Variants in PTPRR observed in about 807,000 individuals in gnomAD.
PTPRR encodes the protein receptor-type tyrosine-protein phosphatase R.
Under a neutral mutation model 77.2 loss-of-function variants are expected in PTPRR, and 38 were observed. The observed-to-expected ratio is 0.49, with a 90% CI of 0.38 to 0.65. PTPRR has a LOEUF of 0.65. PTPRR is among the 30% of genes least tolerant of loss of function. The pLI, the probability that PTPRR is intolerant of heterozygous loss-of-function variation, is 0.00. For synonymous variants in PTPRR, 299 were observed against 283.1 expected, an observed-to-expected ratio of 1.06 and a Z score of -0.57; for missense variants, 744 against 799.2, an observed-to-expected ratio of 0.93 and a Z score of 0.83.
At position 70,803,912 on chromosome 12, in the gene PTPRR, G is replaced by A. The variant is rs34600964; in HGVS notation, c.358-39134C>T. ...TGGGTGTGTGTAACATGCATGTGCA[G>A]GTGTGTGTGTATTTATGTATTCAGG... is the stretch of plus-strand genomic sequence containing the variant. On this transcript the variant is annotated intron_variant, in intron 2 of 13. Coordinates refer to ENST00000283228, the MANE Select transcript of PTPRR (RefSeq NM_002849.4). Among the ~76,000 whole-genome samples, 249 of 152,220 alleles carry A rather than the reference G, an allele frequency of 1.6e-3. 1 individual carries two copies. Among genetic ancestry groups the A allele is most frequent in the South Asian group, 0.016 (75 of 4,820 alleles).
At chr12:70,850,900 G>A (rs182136044) in intron 2 of PTPRR, among the ~76,000 whole-genome samples, 1 of 152,144 alleles carries the variant, frequency 6.6e-6, no homozygotes, top group Admixed American at 6.6e-5. Flanking sequence ...ACATGAATGA[G>A]TTAATAAATT....
chr12:70,800,443 T>C (rs1891595668), intron 2 of PTPRR, among the ~76,000 whole-genome samples: 4 of 152,074 alleles, frequency 2.6e-5, no homozygotes, highest in Non-Finnish European at 5.9e-5. Context: ...ATATATAAAA[T>C]TTCATATCAA....
intron 6 of PTPRR, among the ~76,000 whole-genome samples, chr12:70,740,371 TC>T (rs1890008193): frequency 2.2e-5 from 1 of 46,186 alleles, no homozygotes. Context: ...GCTATGTTTC[TC>T]TTTTTTTTTT....
At chr12:70,799,432 G>A (rs1369857644) in intron 2 of PTPRR, among the ~76,000 whole-genome samples, 3 of 152,094 alleles carry the variant, frequency 2.0e-5, no homozygotes, top group African/African-American at 7.2e-5. Context: ...TCATCTTTGT[G>A]TATTGAGCTT....
At chr12:70,840,247 G>A (rs1479741288) in intron 2 of PTPRR, among the ~76,000 whole-genome samples, 1 of 151,976 alleles carries the variant, frequency 6.6e-6, no homozygotes, top group African/African-American at 2.4e-5. Flanking sequence ...CGTGTTTCTT[G>A]TCTTGTGGCC....
intron 6 of PTPRR, among the ~76,000 whole-genome samples, chr12:70,712,361 C>G (rs1888856694): frequency 6.6e-6 from 1 of 151,764 alleles, no homozygotes; most frequent in African/African-American, 2.4e-5. Flanking sequence ...TTATTTAACA[C>G]AGTTGCCAAT....
At chr12:70,906,417 T>A (rs1893623475) in intron 1 of PTPRR, among the ~76,000 whole-genome samples, 1 of 152,094 alleles carries the variant, frequency 6.6e-6, no homozygotes, top group South Asian at 2.1e-4. Context: ...CCAGAAATTC[T>A]ACTCTGGGAT....
At chr12:70,913,228 A>G (rs1010059271) in intron 1 of PTPRR, among the ~76,000 whole-genome samples, 1 of 152,140 alleles carries the variant, frequency 6.6e-6, no homozygotes, top group African/African-American at 2.4e-5. Context: ...GGATCCAAAA[A>G]CTTTATGGTT....
intron 7 of PTPRR, among the ~76,000 whole-genome samples, chr12:70,699,578 C>G (rs554775619): frequency 1.3e-5 from 2 of 152,310 alleles, no homozygotes; most frequent in African/African-American, 4.8e-5. Flanking sequence ...TCCTGAGTAG[C>G]TGGGATTACA....
intron 6 of PTPRR, among the ~76,000 whole-genome samples, chr12:70,731,050 C>CAGAGAGGAAGGAAGGAGGAAGGCAAG (rs1889640741): frequency 5.5e-5 from 3 of 54,972 alleles, no homozygotes; most frequent in East Asian, 1.4e-3. Flanking sequence ...AGGAAGGAGA[C>CAGAGAGGAAGGAAGGAGGAAGGCAAG]AGAGAGGAAG....
chr12:70,873,389 T>G (rs1196002127), intron 2 of PTPRR, among the ~76,000 whole-genome samples: 1 of 152,178 alleles, frequency 6.6e-6, no homozygotes, highest in Non-Finnish European at 1.5e-5. Flanking sequence ...TTATTTACAC[T>G]GAGAAACAAT....
chr12:70,672,777 G>A (rs1887283673), intron 10 of PTPRR: 2 of 1,559,358 alleles, frequency 1.3e-6, no homozygotes, highest in Admixed American at 3.4e-5. Flanking sequence ...GTGTATTCAG[G>A]AAACCTTCTG....
In PTPRR at chr12:70,764,679, T is replaced by A; in HGVS notation, c.457A>T (p.Ile153Phe). The change falls in exon 3 of 14, where the codon ATC (isoleucine) becomes TTC (phenylalanine). Residue 153 changes from isoleucine (I) to phenylalanine (F), a missense_variant. Ile to Phe is a conservative substitution (Grantham distance 21). Transcript: ENST00000283228. ...ALGLLPQQVH[I>F]NRLIGKKNSI... ...GGGTATCTTACAATGAGGCGATTGA[T>A]GTGCACTTGCTGGGGTAAGAGTCCT... 1 of 1,612,680 alleles carries A rather than the reference T, an allele frequency of 6.2e-7. No individual in the cohort carries two copies. The highest frequency in any genetic ancestry group is 8.5e-7 in the Non-Finnish European group (1 of 1,178,650).
intron 2 of PTPRR, among the ~76,000 whole-genome samples, chr12:70,766,694 C>A (rs1305161041): frequency 1.3e-5 from 2 of 151,182 alleles, no homozygotes; most frequent in Non-Finnish European, 2.9e-5. Flanking sequence ...AGAAGAGCAA[C>A]TCCAAGACAC....
At chr12:70,856,250 GA>G (rs1892649574) in intron 2 of PTPRR, among the ~76,000 whole-genome samples, 1 of 152,136 alleles carries the variant, frequency 6.6e-6, no homozygotes, top group African/African-American at 2.4e-5. Context: ...CTATGGTGGG[GA>G]GAAAGACATT....
At chr12:70,795,882 G>T (rs1401353313) in intron 2 of PTPRR, among the ~76,000 whole-genome samples, 2 of 131,516 alleles carry the variant, frequency 1.5e-5, no homozygotes, top group East Asian at 2.4e-4. Context: ...ACATTTTATT[G>T]GGTCCTATAT....
At chr12:70,873,409 A>G (rs1452346001) in intron 2 of PTPRR, among the ~76,000 whole-genome samples, 3 of 152,178 alleles carry the variant, frequency 2.0e-5, no homozygotes, top group Admixed American at 6.5e-5. Flanking sequence ...TTGCAGAGGA[A>G]CCAGAATTCT....
intron 12 of PTPRR, among the ~76,000 whole-genome samples, chr12:70,658,787 A>G (rs915153827): frequency 6.0e-5 from 9 of 151,228 alleles, no homozygotes; most frequent in African/African-American, 1.9e-4. Context: ...AAAAATTCAC[A>G]TAAGTTTACA....
At chr12:70,788,764 G>T (rs1006064109) in intron 2 of PTPRR, 1 of 1,202,440 alleles carries the variant, frequency 8.3e-7, no homozygotes, top group Non-Finnish European at 1.2e-6. Context: ...ACCCTCCTAA[G>T]CTCTTAACAT....
Sources: allele counts gnomAD v4.1 joint callset (sites outside exome capture counted in the v4.1 genomes callset), GRCh38; gene constraint gnomAD v4.1.1; transcripts MANE v1.5; gene names NCBI Gene and HGNC (gene_info 2026-07-23, HGNC 2026-07-21).